The following VTCN1 variants were observed in gnomAD, a reference collection of about 807,000 sequenced individuals.
VTCN1 encodes the protein V-set domain containing T cell activation inhibitor 1.
A neutral mutation model predicts 26.5 loss-of-function variants in VTCN1; 26 were observed. The ratio of observed to expected loss-of-function variants is 0.98; its 90% CI spans 0.72 to 1.36. The LOEUF (loss-of-function observed/expected upper bound fraction) is 1.36, where lower values mean the gene tolerates loss of function less well. VTCN1 is among the 40% of genes most tolerant of loss of function. The pLI is 0.00. For synonymous variants in VTCN1, 116 were observed against 130.7 expected, an observed-to-expected ratio of 0.89 and a Z score of 0.77; for missense variants, 298 against 337.7, an observed-to-expected ratio of 0.88 and a Z score of 0.92.
chr1:117,171,775 C>T lies in VTCN1; in HGVS notation c.33-1604G>A, dbSNP rs1652929998. ...CCATTTTATAGATGGGGAAGTGACA[C>T]AGGGAGATTAAGCATCTTCCCTAAA... On this transcript the variant is annotated intron_variant, in intron 1 of 5. Transcript: ENST00000369458. Among the ~76,000 whole-genome samples the T allele has an allele frequency of 5.3e-5, 8 of 152,146 alleles. No homozygotes were observed. The South Asian group carries it at 1.7e-3, about 31-fold the overall frequency.
intron 1 of VTCN1, among the ~76,000 whole-genome samples, chr1:117,189,095 A>G (rs1472895756): frequency 6.6e-6 from 1 of 152,218 alleles, no homozygotes; most frequent in Admixed American, 6.5e-5. Context: ...AAGGCATTAC[A>G]TGGATAACGC....
In VTCN1 at chr1:117,159,192, G is replaced by A. The variant is rs1652245375; in HGVS notation, c.98-2271C>T. Reference sequence around the variant, plus strand: ...TTTTCAGCAGTGCCCCACTCTACTGGTACCAATTTACTGTATTAGTCCATT... The same window carrying A: ...TTTTCAGCAGTGCCCCACTCTACTGATACCAATTTACTGTATTAGTCCATT... On this transcript the variant is annotated intron_variant, in intron 2 of 5. Transcript: ENST00000369458. This position sits in a 1 kb window ranked among gnomAD's most constrained non-coding sequence, Gnocchi z 4.7. Among the ~76,000 whole-genome samples the A allele has an allele frequency of 6.6e-6, 1 of 152,088 alleles. No individual in the cohort carries two copies. Among genetic ancestry groups the A allele is most frequent in the Non-Finnish European group, 1.5e-5 (1 of 68,038 alleles).
chr1:117,152,227 T>G (rs886483850), intron 4 of VTCN1, among the ~76,000 whole-genome samples: 1 of 152,204 alleles, frequency 6.6e-6, no homozygotes, highest in South Asian at 2.1e-4. Flanking sequence ...TGGGTTCATA[T>G]GTATAATTTC....
chr1:117,188,327 C>T (rs1648067655), intron 1 of VTCN1, among the ~76,000 whole-genome samples: 1 of 152,134 alleles, frequency 6.6e-6, no homozygotes, highest in South Asian at 2.1e-4. Context: ...ACCCTTCCAG[C>T]AGGGCAGATG....
At chr1:117,196,416 A>C (rs576743695) in intron 1 of VTCN1, among the ~76,000 whole-genome samples, 335 of 151,416 alleles carry the variant, frequency 2.2e-3, no homozygotes, top group Non-Finnish European at 3.1e-3. Flanking sequence ...AGAGAGAGAG[A>C]GAGAGAGACG....
At chr1:117,170,267 G>T in intron 1 of VTCN1, 96 bp from the exon 2 acceptor site, 1 of 1,162,994 alleles carries the variant, frequency 8.6e-7, no homozygotes, top group Non-Finnish European at 1.3e-6. Flanking sequence ...GATAAGATGA[G>T]TTACATAAAG....
chr1:117,182,168 T>G (rs1337082567), intron 1 of VTCN1, among the ~76,000 whole-genome samples: 1 of 152,180 alleles, frequency 6.6e-6, no homozygotes, highest in Non-Finnish European at 1.5e-5. Flanking sequence ...TCTTAGGCAG[T>G]CTGATTTCTC....
At chr1:117,187,009 G>A (rs1046529096) in intron 1 of VTCN1, among the ~76,000 whole-genome samples, 6 of 151,716 alleles carry the variant, frequency 4.0e-5, no homozygotes, top group Non-Finnish European at 5.9e-5. Flanking sequence ...CTTTTTGGCC[G>A]GGAGCAGTGG....
intron 1 of VTCN1, among the ~76,000 whole-genome samples, chr1:117,197,050 C>T (rs1417818460): frequency 6.6e-6 from 1 of 152,182 alleles, no homozygotes; most frequent in African/African-American, 2.4e-5. Flanking sequence ...GCAGGAGCCT[C>T]TACCCATATT....
rs146568433 is a variant in VTCN1 at position 117,188,157 on chromosome 1, A to G, written c.33-17986T>C. Among the ~76,000 whole-genome samples the G allele has an allele frequency of 5.8e-3, 878 of 152,330 alleles. 5 individuals are homozygous for G. The highest frequency in any genetic ancestry group is 9.3e-3 in the East Asian group (48 of 5,184). ...TTCTTGATGGGGTAAGGTGGGGAAC[A>G]CCATGGATTAGAATTTAAATCATAC... is the stretch of plus-strand genomic sequence containing the variant. On this transcript the variant is annotated intron_variant, in intron 1 of 5. Transcript: ENST00000369458.
chr1:117,202,688 G>C (rs1648846165), intron 1 of VTCN1, among the ~76,000 whole-genome samples: 1 of 152,174 alleles, frequency 6.6e-6, no homozygotes, highest in Non-Finnish European at 1.5e-5. Context: ...TTACAGATGA[G>C]GAATCCAGGC....
Position 117,170,184 on chromosome 1 carries a change from AG to A in VTCN1, c.33-14del. On this transcript the variant is annotated splice_polypyrimidine_tract_variant and intron_variant, in intron 1 of 5. Transcript: ENST00000369458. Reference sequence around the variant, plus strand: ...GATGCTAATTATGCTACGGGAAGAGAGAGAGAAACAGAAAATTAGTTCTCCA... The same window carrying A: ...GATGCTAATTATGCTACGGGAAGAGAAGAGAAACAGAAAATTAGTTCTCCA... 2.5e-6 allele frequency: 4 copies of A among 1,612,598 alleles called. No individual in the cohort carries two copies. The highest frequency in any genetic ancestry group is 2.5e-6 in the Non-Finnish European group (3 of 1,179,276).
chr1:117,171,590 A>G (rs1433874776), intron 1 of VTCN1, among the ~76,000 whole-genome samples: 1 of 152,252 alleles, frequency 6.6e-6, no homozygotes, highest in East Asian at 1.9e-4. Flanking sequence ...AGATTAACAA[A>G]TGACACCCGG....
intron 1 of VTCN1, among the ~76,000 whole-genome samples, chr1:117,203,034 G>A (rs958071381): frequency 1.3e-5 from 2 of 152,228 alleles, no homozygotes; most frequent in East Asian, 1.9e-4. Context: ...AGGTGTTTGC[G>A]AGCTGGGAGA....
intron 1 of VTCN1, among the ~76,000 whole-genome samples, chr1:117,185,912 T>A (rs1288687011): frequency 6.6e-6 from 1 of 152,248 alleles, no homozygotes; most frequent in Non-Finnish European, 1.5e-5. Flanking sequence ...TATGTCTTCC[T>A]AAAATGTATC....
chr1:117,183,646 C>G lies in VTCN1; in HGVS notation c.33-13475G>C, dbSNP rs1423429061. 6.6e-6 allele frequency among the ~76,000 whole-genome samples: 1 copy of G among 152,008 alleles called. No homozygotes were observed. The highest frequency in any genetic ancestry group is 1.5e-5 in the Non-Finnish European group (1 of 68,020). ...CTTGAGTCCTCTTGGACATTTCTCT[C>G]CACAAACAAGGGGCAAAATAGAAGT... On this transcript the variant is annotated intron_variant, in intron 1 of 5. Transcript: ENST00000369458. The surrounding 1 kb of genome is among the most constrained non-coding windows in gnomAD (Gnocchi z 4.1).
rs536710214 is a variant in VTCN1 at position 117,195,514 on chromosome 1, G to A, written c.32+15310C>T. 1.2e-4 allele frequency among the ~76,000 whole-genome samples: 18 copies of A among 152,146 alleles called. No individual in the cohort carries two copies. In the South Asian group the frequency reaches 3.3e-3, roughly 28 times the overall value. ...CCTCAATTAAGCTGTGGGGAAAAAA[G>A]AGAAGGGAGGCTAAGAAACGAGAAA... On this transcript the variant is annotated intron_variant, in intron 1 of 5. Coordinates refer to ENST00000369458, the MANE Select transcript of VTCN1 (RefSeq NM_024626.4).
At position 117,146,044 on chromosome 1, in the gene VTCN1, G is replaced by T. The variant is rs1317423586; in HGVS notation, c.*46-819C>A. Among the ~76,000 whole-genome samples the T allele has an allele frequency of 1.3e-5, 2 of 152,172 alleles. No homozygotes were observed. Among genetic ancestry groups the T allele is most frequent in the African/African-American group, 4.8e-5 (2 of 41,428 alleles). On this transcript the variant is annotated intron_variant, in intron 5 of 5. Coordinates refer to ENST00000369458, the MANE Select transcript of VTCN1 (RefSeq NM_024626.4). The surrounding 1 kb of genome is among the most constrained non-coding windows in gnomAD (Gnocchi z 4.2). Reference sequence around the variant, plus strand: ...GGTAATTGTATATAAGCCTACGTGTGCTGCATGTGAACATTATCCATTAGA... The same window carrying T: ...GGTAATTGTATATAAGCCTACGTGTTCTGCATGTGAACATTATCCATTAGA...
intron 4 of VTCN1, among the ~76,000 whole-genome samples, chr1:117,152,200 T>C (rs2884557): frequency 0.22 from 34,055 of 152,082 alleles, 7,822 homozygotes; most frequent in African/African-American, 0.59. Flanking sequence ...TTGATATATC[T>C]GAGTTGTAGA....
Sources: allele counts gnomAD v4.1 joint callset (sites outside exome capture counted in the v4.1 genomes callset), GRCh38; gene constraint gnomAD v4.1.1; non-coding constraint Gnocchi (gnomAD v3.1); transcripts MANE v1.5; gene names NCBI Gene and HGNC (gene_info 2026-07-23, HGNC 2026-07-21).